The following NR2F1-AS1 variants were observed in gnomAD, a reference collection of about 807,000 sequenced individuals.
The protein encoded by NR2F1-AS1 is NR2F1 antisense RNA 1.
chr5:93,417,955 A>G (rs1052367685), intron 4 of NR2F1-AS1, among the ~76,000 whole-genome samples: 6 of 152,188 alleles, frequency 3.9e-5, no homozygotes, highest in African/African-American at 1.4e-4. Context: ...GGAGCACTTA[A>G]GAGTCCCACA....
In NR2F1-AS1 at chr5:93,579,319, G is replaced by GA. The variant is rs1752965729; in HGVS notation, n.313+1147dup. 6.6e-6 allele frequency among the ~76,000 whole-genome samples: 1 copy of GA among 151,934 alleles called. No individual in the cohort carries two copies. Among genetic ancestry groups the GA allele is most frequent in the African/African-American group, 2.4e-5 (1 of 41,376 alleles). On this transcript the variant is annotated intron_variant and non_coding_transcript_variant, in intron 1 of 5. Coordinates refer to ENST00000660523, the Ensembl canonical transcript of NR2F1-AS1. The surrounding 1 kb of genome is among the most constrained non-coding windows in gnomAD (Gnocchi z 5.1). ...TCCCACCCCTGGGACTAGGACAGGG[G>GA]ACTTCACCCTCCTCCTTCCTTCCGG...
chr5:93,566,821 A>T (rs1752629956), intron 1 of NR2F1-AS1, among the ~76,000 whole-genome samples: 2 of 152,042 alleles, frequency 1.3e-5, no homozygotes, highest in Non-Finnish European at 2.9e-5. Context: ...TAGTTTATAC[A>T]AATGAAAATT....
At chr5:93,421,320 G>A (rs1387726553) in intron 4 of NR2F1-AS1, among the ~76,000 whole-genome samples, 1 of 151,086 alleles carries the variant, frequency 6.6e-6, no homozygotes, top group Non-Finnish European at 1.5e-5. Flanking sequence ...AGCTTCAGAA[G>A]TTCCAGTAAG....
intron 4 of NR2F1-AS1, among the ~76,000 whole-genome samples, chr5:93,503,403 G>A (rs2149886944): frequency 6.6e-6 from 1 of 152,232 alleles, no homozygotes. Flanking sequence ...GGAACCAAGA[G>A]TTTTAGCGTA....
At chr5:93,428,423 CTAAT>C (rs1749239941) in intron 4 of NR2F1-AS1, among the ~76,000 whole-genome samples, 2 of 152,310 alleles carry the variant, frequency 1.3e-5, no homozygotes, top group African/African-American at 2.4e-5. Flanking sequence ...AATACAGATG[CTAAT>C]TACAGTGCCA....
intron 4 of NR2F1-AS1, among the ~76,000 whole-genome samples, chr5:93,429,670 T>C (rs1169227010): frequency 1.3e-5 from 2 of 152,200 alleles, no homozygotes; most frequent in Non-Finnish European, 2.9e-5. Context: ...AACATATTCA[T>C]GAAAGATGGT....
intron 4 of NR2F1-AS1, among the ~76,000 whole-genome samples, chr5:93,481,612 C>T (rs1267561783): frequency 6.6e-6 from 1 of 152,062 alleles, no homozygotes; most frequent in Non-Finnish European, 1.5e-5. Context: ...ATGTATTCTT[C>T]TCAAGTTCAC....
chr5:93,430,861 T>TATCATCATCATCATCATCATCATC (rs138817898), intron 4 of NR2F1-AS1, among the ~76,000 whole-genome samples: 6,178 of 149,574 alleles, frequency 0.041, 249 homozygotes, highest in African/African-American at 0.1. Flanking sequence ...TCCCTTGCTT[T>TATCATCATCATCATCATCATCATC]ATCATCATCA....
chr5:93,582,790 G>A (rs1282288577), upstream of NR2F1-AS1, among the ~76,000 whole-genome samples: 3 of 152,088 alleles, frequency 2.0e-5, no homozygotes, highest in South Asian at 2.1e-4. Flanking sequence ...GTGTGTATGT[G>A]TGTGTGTGTG....
intron 1 of NR2F1-AS1, among the ~76,000 whole-genome samples, chr5:93,564,964 G>A (rs1752582234): frequency 6.6e-6 from 1 of 152,046 alleles, no homozygotes; most frequent in South Asian, 2.1e-4. Flanking sequence ...CAGCTTCCAG[G>A]CTAATAGGGC....
At chr5:93,474,187 A>G (rs2149871733) in intron 4 of NR2F1-AS1, among the ~76,000 whole-genome samples, 1 of 152,292 alleles carries the variant, frequency 6.6e-6, no homozygotes, top group African/African-American at 2.4e-5. Context: ...ATCTTATCAC[A>G]TGTATTACTG....
At chr5:93,562,212 AAAG>A (rs1451776743) in intron 2 of NR2F1-AS1, among the ~76,000 whole-genome samples, 2 of 151,478 alleles carry the variant, frequency 1.3e-5, no homozygotes, top group African/African-American at 2.4e-5. Flanking sequence ...AAAGAAAAGA[AAAG>A]AAAAGAAAAT....
chr5:93,491,474 T>C (rs1750848770), intron 4 of NR2F1-AS1, among the ~76,000 whole-genome samples: 1 of 152,062 alleles, frequency 6.6e-6, no homozygotes, highest in African/African-American at 2.4e-5. Context: ...TGAACTGTAA[T>C]GATTAATTTT....
chr5:93,444,826 A>G (rs1749659830), intron 4 of NR2F1-AS1, among the ~76,000 whole-genome samples: 1 of 152,258 alleles, frequency 6.6e-6, no homozygotes, highest in Non-Finnish European at 1.5e-5. Flanking sequence ...AAAATGTAAA[A>G]GAACAGAAAT....
intron 4 of NR2F1-AS1, among the ~76,000 whole-genome samples, chr5:93,414,981 A>T (rs1413231119): frequency 2.0e-5 from 3 of 152,184 alleles, no homozygotes; most frequent in African/African-American, 7.2e-5. Context: ...ATCTTCAGAC[A>T]TATTAATGAA....
chr5:93,497,482 G>C (rs1279829975), intron 4 of NR2F1-AS1, among the ~76,000 whole-genome samples: 1 of 152,110 alleles, frequency 6.6e-6, no homozygotes, highest in South Asian at 2.1e-4. Flanking sequence ...GTGGATGAAA[G>C]GTCCTACTTT....
chr5:93,428,357 AATTAT>A (rs1313594063), intron 4 of NR2F1-AS1, among the ~76,000 whole-genome samples: 2 of 152,220 alleles, frequency 1.3e-5, no homozygotes, highest in African/African-American at 2.4e-5. Flanking sequence ...ACAAGCACCA[AATTAT>A]ATTAATATAA....
At chr5:93,503,798 G>C (rs930056894) in intron 4 of NR2F1-AS1, among the ~76,000 whole-genome samples, 10 of 152,196 alleles carry the variant, frequency 6.6e-5, no homozygotes, top group Non-Finnish European at 1.5e-4. Context: ...GTGACTCCAT[G>C]AGCAGAGGAC....
chr5:93,575,624 CT>C (rs1752878510), intron 1 of NR2F1-AS1, among the ~76,000 whole-genome samples: 1 of 152,210 alleles, frequency 6.6e-6, no homozygotes, highest in Admixed American at 6.5e-5. Context: ...TCTCCTCCCC[CT>C]GAAGAGAAAT....
Sources: allele counts gnomAD v4.1 joint callset (sites outside exome capture counted in the v4.1 genomes callset), GRCh38; gene constraint gnomAD v4.1.1; non-coding constraint Gnocchi (gnomAD v3.1); transcripts MANE v1.5; gene names NCBI Gene and HGNC (gene_info 2026-07-23, HGNC 2026-07-21).